SYN3: variants seen among roughly 807,000 people sequenced by gnomAD.
SYN3 encodes the protein synapsin III, also known as synapsin-3.
In SYN3, 35 loss-of-function variants were observed where a neutral mutation model predicts 65.8. The ratio of observed to expected loss-of-function variants is 0.53; its 90% confidence interval spans 0.41 to 0.70. The LOEUF is 0.70. Among genes scored for constraint, SYN3 ranks in the 30% least tolerant of loss-of-function variants. The probability of loss-of-function intolerance (pLI) is 0.00; values close to 1 mark genes in which losing one functional copy is unlikely to be tolerated. For synonymous variants in SYN3, 270 were observed against 292.9 expected, an observed-to-expected ratio of 0.92 and a Z score of 0.80; for missense variants, 680 against 749.0, an observed-to-expected ratio of 0.91 and a Z score of 1.08.
intron 6 of SYN3, among the ~76,000 whole-genome samples, chr22:32,685,465 G>A (rs1022581772): frequency 6.6e-6 from 1 of 152,186 alleles, no homozygotes; most frequent in Admixed American, 6.5e-5. Flanking sequence ...TAATGGAGCT[G>A]CCCTATACAG....
intron 1 of SYN3, among the ~76,000 whole-genome samples, chr22:33,014,072 T>C (rs2053411970): frequency 3.2e-5 from 3 of 93,146 alleles, no homozygotes; most frequent in South Asian, 6.2e-4. Flanking sequence ...GCCCAGCTAG[T>C]TAAAAAAAAA....
intron 6 of SYN3, among the ~76,000 whole-genome samples, chr22:32,843,514 C>T (rs541425600): frequency 1.3e-5 from 2 of 152,188 alleles, no homozygotes. Flanking sequence ...CATGAGCACT[C>T]CGGCCTCAGC....
intron 6 of SYN3, among the ~76,000 whole-genome samples, chr22:32,799,292 C>T (rs916274358): frequency 3.9e-5 from 6 of 152,180 alleles, no homozygotes; most frequent in African/African-American, 1.4e-4. Flanking sequence ...ATTCGCTGAA[C>T]TTCAAGACAC....
chr22:32,884,402 C>T (rs1254924584), intron 4 of SYN3, among the ~76,000 whole-genome samples: 1 of 152,146 alleles, frequency 6.6e-6, no homozygotes, highest in African/African-American at 2.4e-5. Flanking sequence ...CCTCAGTTTA[C>T]CCATCTTTCA....
chr22:32,952,244 A>G (rs934599476), intron 3 of SYN3, among the ~76,000 whole-genome samples: 2 of 151,328 alleles, frequency 1.3e-5, no homozygotes, highest in African/African-American at 4.9e-5. Flanking sequence ...GTGTGTGTGA[A>G]TATTGAATGA....
chr22:32,846,158 T>A (rs1387164268), intron 6 of SYN3, among the ~76,000 whole-genome samples: 2 of 152,242 alleles, frequency 1.3e-5, no homozygotes, highest in African/African-American at 4.8e-5. Flanking sequence ...GAACCATGAC[T>A]GTGATCTTGT....
chr22:33,012,950 G>A (rs764209842), intron 1 of SYN3, among the ~76,000 whole-genome samples: 3 of 152,110 alleles, frequency 2.0e-5, no homozygotes, highest in Non-Finnish European at 2.9e-5. Context: ...ACCTCAAATC[G>A]TTTTAAAGAT....
At chr22:32,743,679 C>T (rs959086218) in intron 6 of SYN3, among the ~76,000 whole-genome samples, 2 of 152,138 alleles carry the variant, frequency 1.3e-5, no homozygotes, top group African/African-American at 4.8e-5. Context: ...TTAGCTGCCT[C>T]TCCCCTTGGA....
chr22:32,532,153 G>A (rs147826370), intron 10 of SYN3, among the ~76,000 whole-genome samples: 1 of 152,424 alleles, frequency 6.6e-6, no homozygotes, highest in African/African-American at 2.4e-5. Flanking sequence ...GTTTGCAGTT[G>A]TACTGTGTCC....
At chr22:32,825,214 C>G (rs948886731) in intron 6 of SYN3, among the ~76,000 whole-genome samples, 7 of 152,250 alleles carry the variant, frequency 4.6e-5, no homozygotes, top group Admixed American at 3.9e-4. Context: ...CTTAGTTATA[C>G]TGAATGCTGC....
At chr22:32,903,543 T>C (rs1601659556) in intron 4 of SYN3, among the ~76,000 whole-genome samples, 1 of 152,300 alleles carries the variant, frequency 6.6e-6, no homozygotes, top group East Asian at 1.9e-4. Flanking sequence ...GGAAAAGAAT[T>C]GAGCTCTCCA....
chr22:32,997,194 A>T (rs569606923), intron 2 of SYN3, among the ~76,000 whole-genome samples: 1 of 152,300 alleles, frequency 6.6e-6, no homozygotes, highest in East Asian at 1.9e-4. Context: ...CCCTATGTAT[A>T]CAATGAGAAT....
intron 6 of SYN3, among the ~76,000 whole-genome samples, chr22:32,647,850 G>A (rs182366824): frequency 1.3e-4 from 20 of 151,964 alleles, no homozygotes; most frequent in East Asian, 9.7e-4. Flanking sequence ...CTTGCAATCC[G>A]CCCACCTCGG....
At chr22:33,020,584 T>C (rs2145858590) in intron 1 of SYN3, among the ~76,000 whole-genome samples, 1 of 152,294 alleles carries the variant, frequency 6.6e-6, no homozygotes, top group South Asian at 2.1e-4. Flanking sequence ...GGTGACTCTA[T>C]TGATGATACT....
At chr22:32,601,427 G>A (rs555890754) in intron 6 of SYN3, among the ~76,000 whole-genome samples, 97 of 152,164 alleles carry the variant, frequency 6.4e-4, no homozygotes, top group Non-Finnish European at 1.1e-3. Flanking sequence ...ACAGGCGCCC[G>A]CCACCACGCC....
At chr22:32,882,006 G>C (rs1376353808) in intron 4 of SYN3, among the ~76,000 whole-genome samples, 13 of 150,640 alleles carry the variant, frequency 8.6e-5, no homozygotes, top group Non-Finnish European at 4.4e-5. Context: ...AGTGAGCCGA[G>C]ATCATGCCAC....
intron 6 of SYN3, among the ~76,000 whole-genome samples, chr22:32,710,460 G>C (rs2060944977): frequency 6.6e-6 from 1 of 151,518 alleles, no homozygotes; most frequent in Non-Finnish European, 1.5e-5. Context: ...GTGAAACCCT[G>C]ACTCTACTAA....
intron 4 of SYN3, among the ~76,000 whole-genome samples, chr22:32,879,840 A>G (rs575373554): frequency 6.6e-5 from 10 of 152,208 alleles, no homozygotes; most frequent in Non-Finnish European, 1.2e-4. Context: ...CAACCCTTTT[A>G]AAAAAATAAC....
At chr22:32,737,894 C>T (rs1214423853) in intron 6 of SYN3, among the ~76,000 whole-genome samples, 1 of 152,124 alleles carries the variant, frequency 6.6e-6, no homozygotes, top group Non-Finnish European at 1.5e-5. Flanking sequence ...TGCTTTTCTG[C>T]CATGCTGATC....
Sources: gnomAD v4.1 joint callset for allele counts (sites outside exome capture counted in the v4.1 genomes callset) on GRCh38, gnomAD v4.1.1 for gene constraint, MANE v1.5 for transcripts, NCBI Gene and HGNC (gene_info 2026-07-23, HGNC 2026-07-21) for gene names.